Variants in EYA1 observed in about 807,000 individuals in gnomAD.
The protein encoded by EYA1 is protein phosphatase EYA1.
EYA1 carries 16 observed loss-of-function variants against 82.0 expected under a neutral mutation model. The ratio of observed to expected loss-of-function variants is 0.20; its 90% confidence interval spans 0.13 to 0.30. The LOEUF (loss-of-function observed/expected upper bound fraction) is 0.30. EYA1 is among the 10% of genes least tolerant of loss of function. The probability of loss-of-function intolerance (pLI) is 1.00; values close to 1 mark genes in which losing one functional copy is unlikely to be tolerated. For synonymous variants in EYA1, 261 were observed against 264.4 expected (o/e 0.99, Z 0.12); for missense variants, 633 against 730.7 (o/e 0.87, Z 1.54).
At chr8:71,359,732 A>G (rs1242535739) in intron 1 of EYA1, among the ~76,000 whole-genome samples, 1 of 152,188 alleles carries the variant, frequency 6.6e-6, no homozygotes, top group Non-Finnish European at 1.5e-5. Flanking sequence ...ACTATAATTT[A>G]AAACTTTTTT....
chr8:71,372,344 T>G (rs1436940965), intron 2 of EYA1, among the ~76,000 whole-genome samples: 1 of 152,128 alleles, frequency 6.6e-6, no homozygotes. Flanking sequence ...CCTACTATAC[T>G]TTGTAAGTAG....
At chr8:71,502,387 A>C (rs1189410486) in intron 2 of EYA1, among the ~76,000 whole-genome samples, 2 of 152,204 alleles carry the variant, frequency 1.3e-5, no homozygotes, top group Non-Finnish European at 1.5e-5. Context: ...TTTACCACCA[A>C]TACTGGCAGA....
intron 2 of EYA1, among the ~76,000 whole-genome samples, chr8:71,420,105 G>A (rs1831063347): frequency 6.6e-6 from 1 of 152,092 alleles, no homozygotes; most frequent in South Asian, 2.1e-4. Flanking sequence ...GCTCCCTAGT[G>A]CAAATAAGTG....
chr8:71,310,944 T>C (rs1304164602), intron 7 of EYA1, among the ~76,000 whole-genome samples: 5 of 152,160 alleles, frequency 3.3e-5, no homozygotes, highest in Admixed American at 6.5e-5. Context: ...TAAGCTATTA[T>C]GGAAAGCTGG....
intron 2 of EYA1, among the ~76,000 whole-genome samples, chr8:71,398,444 C>A: frequency 6.6e-6 from 1 of 152,142 alleles, no homozygotes; most frequent in East Asian, 1.9e-4. Flanking sequence ...TACCTTTGGT[C>A]TTTGATGTTG....
Position 71,299,087 on chromosome 8 carries a change from T to C in EYA1, c.786A>G (p.Pro262=). 6.2e-7 allele frequency: 1 copy of C among 1,614,130 alleles called. No homozygotes were observed. Among genetic ancestry groups the C allele is most frequent in the Non-Finnish European group, 8.5e-7 (1 of 1,179,984 alleles). ...TNATYQLQEP[P]SGITSQAVTD... is the part of the protein sequence containing the mutation. Reference sequence around the variant, plus strand: ...TAACTGCTTGGCTGGTGATGCCAGATGGCGGTTCTTGAAGCTGGTAAGTGG... The same window carrying C: ...TAACTGCTTGGCTGGTGATGCCAGACGGCGGTTCTTGAAGCTGGTAAGTGG... Residue 262 remains proline (P), a synonymous_variant, in exon 9 of 18, where the codon CCA becomes CCG. Coordinates refer to ENST00000340726, the MANE Select transcript of EYA1 (RefSeq NM_000503.6).
intron 2 of EYA1, among the ~76,000 whole-genome samples, chr8:71,483,062 C>A (rs2044388078): frequency 6.6e-6 from 1 of 152,186 alleles, no homozygotes; most frequent in Admixed American, 6.5e-5. Context: ...CTGCTCAAGC[C>A]CATGAGTGGC....
chr8:71,266,868 C>A (rs759724677), intron 11 of EYA1, among the ~76,000 whole-genome samples: 1 of 152,184 alleles, frequency 6.6e-6, no homozygotes, highest in Non-Finnish European at 1.5e-5. Flanking sequence ...ACTATTTTCT[C>A]AGTTGCCCAG....
chr8:71,328,784 CT>C (rs1204279305), intron 4 of EYA1, among the ~76,000 whole-genome samples: 2 of 152,126 alleles, frequency 1.3e-5, no homozygotes, highest in Admixed American at 6.5e-5. Flanking sequence ...CAACATCACC[CT>C]GGGTTATACA....
intron 12 of EYA1, among the ~76,000 whole-genome samples, chr8:71,237,076 G>T: frequency 6.7e-6 from 1 of 149,918 alleles, no homozygotes; most frequent in Admixed American, 6.6e-5. Flanking sequence ...TTTTTGAGAT[G>T]GAGTCTCACT....
chr8:71,455,335 A>T (rs1807795223), intron 2 of EYA1, among the ~76,000 whole-genome samples: 1 of 152,222 alleles, frequency 6.6e-6, no homozygotes, highest in Admixed American at 6.5e-5. Flanking sequence ...AGGTACAAGG[A>T]GGAGCTGGTA....
At chr8:71,326,045 A>C (rs1586374644) in intron 4 of EYA1, among the ~76,000 whole-genome samples, 1 of 152,188 alleles carries the variant, frequency 6.6e-6, no homozygotes, top group South Asian at 2.1e-4. Context: ...TCCAAATTAC[A>C]TATGCCACAG....
At chr8:71,462,720 G>C (rs903005850) in intron 2 of EYA1, among the ~76,000 whole-genome samples, 1 of 152,182 alleles carries the variant, frequency 6.6e-6, no homozygotes, top group Non-Finnish European at 1.5e-5. Context: ...TGGCAACAGG[G>C]GGCCAGGGTC....
intron 12 of EYA1, among the ~76,000 whole-genome samples, chr8:71,243,202 C>CA (rs760182026): frequency 6.6e-6 from 1 of 152,064 alleles, no homozygotes; most frequent in African/African-American, 2.4e-5. Context: ...GTACCCAGGA[C>CA]AAAAAATCAG....
chr8:71,356,478 C>T lies in EYA1; in HGVS notation c.-21G>A. ...TATCCTTACCTGCAACTTGAGGAAACAGCAACATCTGAACTGGCTTGAGAT... is the reference window on the plus strand; with the variant it reads ...TATCCTTACCTGCAACTTGAGGAAATAGCAACATCTGAACTGGCTTGAGAT... On this transcript the variant is annotated 5_prime_UTR_variant, in exon 2 of 18. Transcript: ENST00000340726. 8 of 1,585,360 alleles carry T rather than the reference C, an allele frequency of 5.0e-6. No individual in the cohort carries two copies. The highest frequency in any genetic ancestry group is 6.9e-6 in the Non-Finnish European group (8 of 1,164,752).
chr8:71,249,041 C>G (rs987844621), intron 11 of EYA1, among the ~76,000 whole-genome samples: 2 of 152,086 alleles, frequency 1.3e-5, no homozygotes, highest in African/African-American at 4.8e-5. Flanking sequence ...TTTGTTATAT[C>G]ACTTTCAAAA....
intron 2 of EYA1, among the ~76,000 whole-genome samples, chr8:71,408,434 G>T (rs142197200): frequency 0.083 from 9,709 of 117,088 alleles, 1,403 homozygotes; most frequent in African/African-American, 0.29. Flanking sequence ...TGGCAAGTTG[G>T]ATAAAGAGTG....
At chr8:71,242,020 C>T (rs1812530260) in intron 12 of EYA1, among the ~76,000 whole-genome samples, 1 of 151,878 alleles carries the variant, frequency 6.6e-6, no homozygotes, top group Non-Finnish European at 1.5e-5. Context: ...ACTAGCCTGG[C>T]CAACATGAAG....
chr8:71,474,100 T>A (rs1809458753), intron 2 of EYA1, among the ~76,000 whole-genome samples: 1 of 151,300 alleles, frequency 6.6e-6, no homozygotes, highest in Non-Finnish European at 1.5e-5. Flanking sequence ...CTAATGTAGA[T>A]GACGGGTTGA....
Sources: allele counts gnomAD v4.1 joint callset (sites outside exome capture counted in the v4.1 genomes callset), GRCh38; gene constraint gnomAD v4.1.1; transcripts MANE v1.5; gene names NCBI Gene and HGNC (gene_info 2026-07-23, HGNC 2026-07-21).